Variants in ADGRL3 observed in about 807,000 individuals in gnomAD.
The protein encoded by ADGRL3 is calcium-independent alpha-latrotoxin receptor 3.
ADGRL3 carries 62 observed loss-of-function variants against 153.5 expected under a neutral mutation model. The ratio of observed to expected loss-of-function variants is 0.40; its 90% CI spans 0.33 to 0.50. The LOEUF is 0.50. Ranked by LOEUF, ADGRL3 falls within the 20% of genes least tolerant of loss-of-function variation. The probability of loss-of-function intolerance (pLI) is 0.47; values close to 1 mark genes in which losing one functional copy is unlikely to be tolerated. For missense variants in ADGRL3, 1,641 were observed against 1,859.4 expected (o/e 0.88, Z 2.16); for synonymous variants, 710 against 672.5 (o/e 1.06, Z -0.86).
At chr4:61,918,109 T>G (rs966607716) in intron 13 of ADGRL3, among the ~76,000 whole-genome samples, 1 of 152,138 alleles carries the variant, frequency 6.6e-6, no homozygotes, top group Non-Finnish European at 1.5e-5. Flanking sequence ...AGCATATTAG[T>G]GCGGGATACT....
chr4:61,418,102 C>T (rs974060319), intron 2 of ADGRL3, among the ~76,000 whole-genome samples: 1 of 152,078 alleles, frequency 6.6e-6, no homozygotes, highest in Non-Finnish European at 1.5e-5. Context: ...CTGCCAGTTT[C>T]GGTGCTCTCG....
At chr4:61,606,925 G>GA (rs1330473514) in intron 5 of ADGRL3, among the ~76,000 whole-genome samples, 1 of 152,100 alleles carries the variant, frequency 6.6e-6, no homozygotes, top group Non-Finnish European at 1.5e-5. Context: ...TGAATTGAGA[G>GA]AAAACCATAG....
chr4:61,842,059 G>C (rs1384086656), intron 9 of ADGRL3, among the ~76,000 whole-genome samples: 1 of 152,132 alleles, frequency 6.6e-6, no homozygotes, highest in Non-Finnish European at 1.5e-5. Context: ...ATTTAAATCT[G>C]CTTTTTTTTA....
intron 6 of ADGRL3, among the ~76,000 whole-genome samples, chr4:61,689,002 C>T (rs900643851): frequency 6.6e-6 from 1 of 152,044 alleles, no homozygotes; most frequent in Non-Finnish European, 1.5e-5. Context: ...ACTCTGTGGC[C>T]CAGGCTGCAG....
intron 13 of ADGRL3, among the ~76,000 whole-genome samples, chr4:61,925,962 A>G (rs139524599): frequency 4.6e-4 from 70 of 152,286 alleles, no homozygotes; most frequent in African/African-American, 1.6e-3. Flanking sequence ...TCATGCAAAC[A>G]TCATAGGGTA....
intron 2 of ADGRL3, among the ~76,000 whole-genome samples, chr4:61,490,821 T>C (rs1391739972): frequency 6.6e-6 from 1 of 152,126 alleles, no homozygotes; most frequent in East Asian, 1.9e-4. Context: ...AATGATGCTT[T>C]ACAATTCCAT....
At chr4:61,720,277 A>G (rs2096216066) in intron 6 of ADGRL3, among the ~76,000 whole-genome samples, 1 of 151,840 alleles carries the variant, frequency 6.6e-6, no homozygotes, top group African/African-American at 2.4e-5. Context: ...TTTAGTAGAG[A>G]TGGGGTTTCA....
intron 5 of ADGRL3, among the ~76,000 whole-genome samples, chr4:61,629,921 C>T (rs2093058060): frequency 6.6e-6 from 1 of 151,844 alleles, no homozygotes; most frequent in Non-Finnish European, 1.5e-5. Context: ...TCTGGATTTC[C>T]CATCAATTAC....
At chr4:61,676,772 A>C in intron 5 of ADGRL3, 54 bp from the exon 6 acceptor site, 1 of 1,170,254 alleles carries the variant, frequency 8.5e-7, no homozygotes. Flanking sequence ...TGATGTTGAT[A>C]ATAATTTAAC....
chr4:61,747,919 T>A (rs1253020013), intron 8 of ADGRL3, among the ~76,000 whole-genome samples: 4 of 152,092 alleles, frequency 2.6e-5, no homozygotes, highest in Admixed American at 2.0e-4. Context: ...AGTGAAATTG[T>A]CCCTGTTTGC....
chr4:61,899,734 C>A (rs2149694742), intron 11 of ADGRL3, among the ~76,000 whole-genome samples: 1 of 152,234 alleles, frequency 6.6e-6, no homozygotes, highest in South Asian at 2.1e-4. Context: ...GTTCTGGAGG[C>A]TGGAAAGTCC....
intron 1 of ADGRL3, among the ~76,000 whole-genome samples, chr4:61,240,181 G>A (rs990640178): frequency 1.5e-4 from 23 of 152,088 alleles, no homozygotes; most frequent in African/African-American, 5.6e-4. Flanking sequence ...TGGCAGAAGG[G>A]TGAATACTGT....
At position 61,354,489 on chromosome 4, in the gene ADGRL3, C is replaced by A. The variant is rs551568849; in HGVS notation, c.-239-28635C>A. On this transcript the variant is annotated intron_variant, in intron 1 of 26. Transcript: ENST00000683033. ...TTTTAATGGCTGAGGTTGTTTAGTT[C>A]GGAAATGGTGTATGATCGCAAAAGC... Among the ~76,000 whole-genome samples, 28 of 151,758 alleles carry A rather than the reference C, an allele frequency of 1.8e-4. 1 individual carries two copies. The South Asian group carries it at 4.4e-3, about 24-fold the overall frequency.
rs1004948948 is a variant in ADGRL3 at position 61,495,305 on chromosome 4, G to A, written c.-173-1816G>A. Among the ~76,000 whole-genome samples, 3 of 152,074 alleles carry A rather than the reference G, an allele frequency of 2.0e-5. 1 individual carries two copies. Among genetic ancestry groups the A allele is most frequent in the Admixed American group, 2.0e-4 (3 of 15,266 alleles). On this transcript the variant is annotated intron_variant, in intron 2 of 26. Transcript: ENST00000683033. ...GGTTTTTATTTTGACAGAATGAAGT[G>A]TATTAATACATTCATCAGTAAACAA...
At chr4:61,673,357 A>T (rs527711623) in intron 5 of ADGRL3, among the ~76,000 whole-genome samples, 1 of 152,006 alleles carries the variant, frequency 6.6e-6, no homozygotes, top group South Asian at 2.1e-4. Flanking sequence ...AATTAGCCTT[A>T]TTGTGGTAAT....
intron 8 of ADGRL3, among the ~76,000 whole-genome samples, chr4:61,755,663 CT>C (rs2096819037): frequency 6.6e-6 from 1 of 152,100 alleles, no homozygotes; most frequent in Non-Finnish European, 1.5e-5. Context: ...GTTGCCATTG[CT>C]TTTGGTGTTT....
At chr4:61,786,238 A>C (rs2097274324) in intron 8 of ADGRL3, among the ~76,000 whole-genome samples, 1 of 152,168 alleles carries the variant, frequency 6.6e-6, no homozygotes, top group Admixed American at 6.5e-5. Flanking sequence ...AGAAATGTAT[A>C]AAGTTTGGAA....
At chr4:61,970,097 G>A (rs935970522) in intron 17 of ADGRL3, among the ~76,000 whole-genome samples, 1 of 152,076 alleles carries the variant, frequency 6.6e-6, no homozygotes, top group Non-Finnish European at 1.5e-5. Flanking sequence ...GATAAATTCT[G>A]TATACTCTTT....
chr4:61,248,990 C>T (rs747696565), intron 1 of ADGRL3, among the ~76,000 whole-genome samples: 7 of 152,118 alleles, frequency 4.6e-5, no homozygotes, highest in African/African-American at 1.7e-4. Flanking sequence ...TTGATTCTTC[C>T]GTAAGCTTTC....
Sources: allele counts gnomAD v4.1 joint callset (sites outside exome capture counted in the v4.1 genomes callset), GRCh38; gene constraint gnomAD v4.1.1; transcripts MANE v1.5; gene names NCBI Gene and HGNC (gene_info 2026-07-23, HGNC 2026-07-21).